Variants in NRG3 observed in about 807,000 individuals in gnomAD.
NRG3 encodes pro-neuregulin-3, membrane-bound isoform.
NRG3 carries 31 observed loss-of-function variants against 66.9 expected under a neutral mutation model. The observed-to-expected ratio is 0.46, with a 90% CI of 0.35 to 0.63. NRG3 has a LOEUF of 0.63. Among genes scored for constraint, NRG3 ranks in the 20% least tolerant of loss-of-function variants. The pLI is 0.00. For synonymous variants in NRG3, 393 were observed against 359.4 expected (o/e 1.09, Z -1.06); for missense variants, 910 against 878.9 (o/e 1.04, Z -0.45).
chr10:82,276,521 C>T (rs1189259473), intron 1 of NRG3, among the ~76,000 whole-genome samples: 1 of 151,990 alleles, frequency 6.6e-6, no homozygotes, highest in Non-Finnish European at 1.5e-5. Context: ...TAACCTGATT[C>T]TTCTTTGCAT....
rs990654588 is a variant in NRG3, at chr10:82,545,281, TAC to T, written c.953+186417_953+186418del. The stretch of plus-strand genomic sequence containing the variant: ...ATAATGTCTTATTTGAAACAATATA[TAC>T]ACAGTCATATTTCTTAAATTATTAT... On this transcript the variant is annotated intron_variant, in intron 2 of 8. Transcript: ENST00000372141. 1.1e-3 allele frequency among the ~76,000 whole-genome samples: 171 copies of T among 152,248 alleles called. 1 individual carries two copies. The highest frequency in any genetic ancestry group is 3.8e-3 in the African/African-American group (158 of 41,548).
chr10:82,813,507 C>T (rs918998279), intron 3 of NRG3, among the ~76,000 whole-genome samples: 2 of 152,118 alleles, frequency 1.3e-5, no homozygotes, highest in African/African-American at 4.8e-5. Flanking sequence ...AGCCACCGTG[C>T]CCAGCCTGTA....
chr10:82,441,643 C>T (rs1165168825), intron 2 of NRG3, among the ~76,000 whole-genome samples: 1 of 152,006 alleles, frequency 6.6e-6, no homozygotes, highest in African/African-American at 2.4e-5. Flanking sequence ...GAAGAGGATC[C>T]CCGCAAATCT....
chr10:82,193,441 C>T (rs2074272644), intron 1 of NRG3, among the ~76,000 whole-genome samples: 1 of 152,160 alleles, frequency 6.6e-6, no homozygotes, highest in African/African-American at 2.4e-5. Flanking sequence ...CAATGCCAGA[C>T]CTTGATTTCC....
chr10:82,732,352 T>A (rs1003385195), intron 2 of NRG3, among the ~76,000 whole-genome samples: 7 of 152,178 alleles, frequency 4.6e-5, no homozygotes, highest in African/African-American at 1.4e-4. Flanking sequence ...AAATAAATCA[T>A]GGTGTTAGTT....
At chr10:82,703,042 T>A (rs2056014247) in intron 2 of NRG3, among the ~76,000 whole-genome samples, 1 of 137,482 alleles carries the variant, frequency 7.3e-6, no homozygotes, top group Non-Finnish European at 1.6e-5. Flanking sequence ...AACCCTTCCT[T>A]CCTTCTTTTG....
chr10:81,903,687 A>G (rs1564644996), intron 1 of NRG3, among the ~76,000 whole-genome samples: 1 of 152,220 alleles, frequency 6.6e-6, no homozygotes, highest in African/African-American at 2.4e-5. Context: ...TGACAGCCTC[A>G]TTAGCTGCCT....
intron 1 of NRG3, among the ~76,000 whole-genome samples, chr10:82,027,805 A>G (rs1176779141): frequency 1.3e-5 from 2 of 152,110 alleles, no homozygotes; most frequent in African/African-American, 2.4e-5. Flanking sequence ...AGAGGCTCCA[A>G]CCAAATAACT....
At chr10:82,265,925 T>A (rs1389383301) in intron 1 of NRG3, among the ~76,000 whole-genome samples, 1 of 152,124 alleles carries the variant, frequency 6.6e-6, no homozygotes, top group Non-Finnish European at 1.5e-5. Context: ...TTGTGGCATG[T>A]GGAGAATTAA....
At chr10:82,623,164 T>C (rs1291604767) in intron 2 of NRG3, among the ~76,000 whole-genome samples, 1 of 152,178 alleles carries the variant, frequency 6.6e-6, no homozygotes, top group Non-Finnish European at 1.5e-5. Flanking sequence ...CTCTTTGCTC[T>C]CTTTTAGCAA....
intron 1 of NRG3, among the ~76,000 whole-genome samples, chr10:82,092,124 C>A (rs1363263859): frequency 6.6e-6 from 1 of 152,146 alleles, no homozygotes; most frequent in Non-Finnish European, 1.5e-5. Flanking sequence ...TCAACTTTTA[C>A]TATGAAGTTG....
At chr10:82,340,011 GAGTGA>G (rs1564812134) in intron 1 of NRG3, among the ~76,000 whole-genome samples, 1 of 152,112 alleles carries the variant, frequency 6.6e-6, no homozygotes, top group African/African-American at 2.4e-5. Flanking sequence ...CGGTCAGCCA[GAGTGA>G]ATACTCTCGA....
At chr10:82,855,543 A>T (rs2063761288) in intron 3 of NRG3, among the ~76,000 whole-genome samples, 1 of 151,972 alleles carries the variant, frequency 6.6e-6, no homozygotes, top group African/African-American at 2.4e-5. Context: ...GACTATAAGC[A>T]CACACCACCA....
At position 82,317,666 on chromosome 10, in the gene NRG3, G is replaced by A. The variant is rs1326301155; in HGVS notation, c.824-41073G>A. On this transcript the variant is annotated intron_variant, in intron 1 of 8. Coordinates refer to ENST00000372141, the MANE Select transcript of NRG3 (RefSeq NM_001010848.4). The stretch of plus-strand genomic sequence containing the variant: ...GAGTGCTGGATGAAACATAGCATAT[G>A]ATCATGTTTGTGGCATCACAGGTGG... Among the ~76,000 whole-genome samples the A allele has an allele frequency of 2.0e-5, 3 of 152,176 alleles. No homozygotes were observed. The South Asian group carries it at 6.2e-4, about 32-fold the overall frequency.
chr10:82,438,990 T>TG (rs1431820223), intron 2 of NRG3, among the ~76,000 whole-genome samples: 1 of 152,240 alleles, frequency 6.6e-6, no homozygotes, highest in East Asian at 1.9e-4. Context: ...ACCTTGGTCC[T>TG]GACCCTAAAT....
At chr10:82,147,462 G>A (rs2070341044) in intron 1 of NRG3, among the ~76,000 whole-genome samples, 1 of 152,134 alleles carries the variant, frequency 6.6e-6, no homozygotes, top group African/African-American at 2.4e-5. Flanking sequence ...TAGATTTGTT[G>A]AGAATACTCA....
rs76937772 is a variant in NRG3 at position 82,980,414 on chromosome 10, T to C, written c.1583+1294T>C. On this transcript the variant is annotated intron_variant, in intron 8 of 8. Coordinates refer to ENST00000372141, the MANE Select transcript of NRG3 (RefSeq NM_001010848.4). ...ATGCAATCAGGGTTTACTCTAGAAA[T>C]TTCAGAAATCACTTCCCTCACTCAA... Among the ~76,000 whole-genome samples the C allele has an allele frequency of 1.1e-4, 17 of 152,250 alleles. No homozygotes were observed. The East Asian group carries it at 2.7e-3, about 24-fold the overall frequency.
At chr10:82,512,136 T>C (rs1845234311) in intron 2 of NRG3, among the ~76,000 whole-genome samples, 1 of 151,854 alleles carries the variant, frequency 6.6e-6, no homozygotes, top group African/African-American at 2.4e-5. Context: ...AAGTTTATTG[T>C]TCTTACTTTT....
At chr10:81,935,132 C>T (rs1847738043) in intron 1 of NRG3, among the ~76,000 whole-genome samples, 1 of 152,118 alleles carries the variant, frequency 6.6e-6, no homozygotes, top group Non-Finnish European at 1.5e-5. Context: ...TCCTAGTACC[C>T]TTTGGTTTAA....
Sources: gnomAD v4.1 joint callset for allele counts (sites outside exome capture counted in the v4.1 genomes callset) on GRCh38, gnomAD v4.1.1 for gene constraint, MANE v1.5 for transcripts, NCBI Gene and HGNC (gene_info 2026-07-23, HGNC 2026-07-21) for gene names.